Variants in MALRD1 observed in about 807,000 individuals in gnomAD.
MALRD1 encodes MAM and LDL receptor class A domain containing 1, also known as MAM and LDL-receptor class A domain-containing protein 1.
A neutral mutation model predicts 242.1 loss-of-function variants in MALRD1; 247 were observed. The observed-to-expected ratio is 1.02, with a 90% confidence interval of 0.92 to 1.13. The LOEUF is 1.13. Ranked by LOEUF, MALRD1 falls within the 50% of genes most tolerant of loss-of-function variation. The probability of loss-of-function intolerance (pLI) is 0.00; values close to 1 mark genes in which losing one functional copy is unlikely to be tolerated. For synonymous variants in MALRD1, 995 were observed against 866.6 expected (o/e 1.15, Z -2.60); for missense variants, 2,989 against 2,533.1 (o/e 1.18, Z -3.86).
At chr10:19,450,119 C>T (rs1835236849) in intron 28 of MALRD1, among the ~76,000 whole-genome samples, 188 bp from the exon 29 acceptor site, 1 of 152,142 alleles carries the variant, frequency 6.6e-6, no homozygotes, top group Non-Finnish European at 1.5e-5. Flanking sequence ...CCTCTTGAGT[C>T]TTTTTGAGTT....
At chr10:19,426,063 AT>A in intron 28 of MALRD1, among the ~76,000 whole-genome samples, 1 of 152,320 alleles carries the variant, frequency 6.6e-6, no homozygotes, top group South Asian at 2.1e-4. Context: ...TTAGAAAAAT[AT>A]TTTTAACAGT....
At chr10:19,458,095 G>A (rs1016288124) in intron 29 of MALRD1, among the ~76,000 whole-genome samples, 4 of 151,940 alleles carry the variant, frequency 2.6e-5, no homozygotes, top group African/African-American at 9.7e-5. Context: ...TGTACCTAGA[G>A]CTAAAATTTT....
intron 19 of MALRD1, among the ~76,000 whole-genome samples, chr10:19,262,380 G>T (rs565537264): frequency 1.3e-5 from 2 of 152,048 alleles, no homozygotes; most frequent in Admixed American, 6.5e-5. Flanking sequence ...ACTTGGCCGG[G>T]CCCGGTGGCT....
At chr10:19,279,092 T>C (rs1186909170) in intron 19 of MALRD1, among the ~76,000 whole-genome samples, 3 of 152,254 alleles carry the variant, frequency 2.0e-5, no homozygotes, top group South Asian at 2.1e-4. Context: ...CAGTCGTCCA[T>C]GCACAGAGGA....
At chr10:19,560,897 G>A (rs1209073749) in intron 32 of MALRD1, among the ~76,000 whole-genome samples, 9 of 151,900 alleles carry the variant, frequency 5.9e-5, no homozygotes, top group Non-Finnish European at 8.8e-5. Flanking sequence ...ACCATGGCAC[G>A]TGTATACCTA....
chr10:19,148,349 C>A (rs1465992176), intron 11 of MALRD1, among the ~76,000 whole-genome samples: 7 of 151,738 alleles, frequency 4.6e-5, no homozygotes, highest in Non-Finnish European at 1.0e-4. Context: ...TATTAGGGTG[C>A]TTCAGTTTTA....
At chr10:19,072,790 AT>A (rs1041057988) in intron 2 of MALRD1, among the ~76,000 whole-genome samples, 5 of 152,026 alleles carry the variant, frequency 3.3e-5, no homozygotes, top group Admixed American at 2.0e-4. Flanking sequence ...TAAGGGGGAA[AT>A]TTTTTTATAG....
At chr10:19,290,499 A>G (rs530816352) in intron 21 of MALRD1, 1 of 152,236 alleles carries the variant, frequency 6.6e-6, no homozygotes, top group Non-Finnish European at 1.5e-5. Context: ...AGTAAAAATC[A>G]TTCAATGACA....
chr10:19,194,337 C>A (rs1201959675), intron 14 of MALRD1, among the ~76,000 whole-genome samples: 1 of 152,066 alleles, frequency 6.6e-6, no homozygotes. Context: ...TTTTTCATAG[C>A]CTATTGAGTC....
chr10:19,325,241 A>G (rs1843076833), intron 22 of MALRD1, among the ~76,000 whole-genome samples: 8 of 151,874 alleles, frequency 5.3e-5, no homozygotes, highest in Admixed American at 5.3e-4. Context: ...TTGCTCCTCA[A>G]ACTGTCTCAG....
chr10:19,171,025 A>AT (rs1392783354), intron 13 of MALRD1, among the ~76,000 whole-genome samples: 1 of 151,402 alleles, frequency 6.6e-6, no homozygotes, highest in Admixed American at 6.6e-5. Flanking sequence ...TGCTCCCGTT[A>AT]TTTTTTTTGA....
At chr10:19,128,684 C>G (rs1160517758) in intron 8 of MALRD1, among the ~76,000 whole-genome samples, 2 of 152,090 alleles carry the variant, frequency 1.3e-5, no homozygotes, top group Non-Finnish European at 2.9e-5. Flanking sequence ...GTATTATGAG[C>G]TCTGTATTGA....
intron 10 of MALRD1, among the ~76,000 whole-genome samples, chr10:19,138,767 G>C (rs768376609): frequency 6.6e-6 from 1 of 151,980 alleles, no homozygotes; most frequent in African/African-American, 2.4e-5. Context: ...TGTATTCCCC[G>C]TAGTAAATCA....
chr10:19,381,126 T>G (rs1343991888), intron 26 of MALRD1, among the ~76,000 whole-genome samples: 1 of 146,486 alleles, frequency 6.8e-6, no homozygotes, highest in Non-Finnish European at 1.5e-5. Flanking sequence ...GATCTCATTG[T>G]TCAATTCCCA....
At chr10:19,378,418 C>T (rs1287484175) in intron 26 of MALRD1, among the ~76,000 whole-genome samples, 2 of 152,216 alleles carry the variant, frequency 1.3e-5, no homozygotes, top group Non-Finnish European at 2.9e-5. Flanking sequence ...CAGTCAGCAT[C>T]TTTTTGGTGG....
At chr10:19,260,479 T>C (rs896514346) in intron 19 of MALRD1, among the ~76,000 whole-genome samples, 1 of 152,196 alleles carries the variant, frequency 6.6e-6, no homozygotes, top group African/African-American at 2.4e-5. Flanking sequence ...GTATACATCT[T>C]ACTGTGTCTG....
intron 14 of MALRD1, among the ~76,000 whole-genome samples, chr10:19,188,732 G>A (rs764111538): frequency 3.3e-5 from 5 of 152,128 alleles, no homozygotes; most frequent in Non-Finnish European, 7.4e-5. Flanking sequence ...AAGTCTAGAA[G>A]ACATCACCAG....
intron 11 of MALRD1, among the ~76,000 whole-genome samples, chr10:19,148,705 G>C (rs1833809924): frequency 6.7e-6 from 1 of 149,760 alleles, no homozygotes; most frequent in African/African-American, 2.5e-5. Flanking sequence ...ATAAAACTAG[G>C]GGCAGCTGGT....
chr10:19,539,883 T>C (rs1350733377), intron 32 of MALRD1, among the ~76,000 whole-genome samples: 2 of 81,444 alleles, frequency 2.5e-5, no homozygotes, highest in East Asian at 4.1e-4. Context: ...TGTGTGTGTG[T>C]GTGTGTGTGT....
Sources: gnomAD v4.1 joint callset for allele counts (sites outside exome capture counted in the v4.1 genomes callset) on GRCh38, gnomAD v4.1.1 for gene constraint, MANE v1.5 for transcripts, NCBI Gene and HGNC (gene_info 2026-07-23, HGNC 2026-07-21) for gene names.